MGA: variants seen among roughly 807,000 people sequenced by gnomAD.
MGA encodes MAX dimerization protein MGA.
Under a neutral mutation model 261.1 loss-of-function variants are expected in MGA, and 40 were observed. The observed-to-expected ratio is 0.15, with a 90% CI of 0.12 to 0.20. The LOEUF (loss-of-function observed/expected upper bound fraction) is 0.20, where lower values mean the gene tolerates loss of function less well. MGA is among the 10% of genes least tolerant of loss of function. The pLI, the probability that MGA is intolerant of heterozygous loss-of-function variation, is 1.00. For missense variants in MGA, 3,397 were observed against 3,630.5 expected, an observed-to-expected ratio of 0.94 and a Z score of 1.65; for synonymous variants, 1,302 against 1,290.6, an observed-to-expected ratio of 1.01 and a Z score of -0.19.
upstream of MGA, among the ~76,000 whole-genome samples, chr15:41,658,904 T>A (rs569670384): frequency 6.6e-6 from 1 of 152,088 alleles, no homozygotes; most frequent in Non-Finnish European, 1.5e-5. Context: ...CACCTTATGA[T>A]CATATATTTT....
At chr15:41,730,470 G>C (rs1404782125) in intron 11 of MGA, among the ~76,000 whole-genome samples, 1 of 151,886 alleles carries the variant, frequency 6.6e-6, no homozygotes, top group South Asian at 2.1e-4. Flanking sequence ...ATTAAGCAGT[G>C]GTTATCAAGA....
At chr15:41,739,982 C>T in intron 13 of MGA, 1 of 1,613,564 alleles carries the variant, frequency 6.2e-7, no homozygotes. Context: ...AATAGGCTAG[C>T]TGCTTATATC....
chr15:41,693,712 A>G (rs1018496552), intron 2 of MGA, among the ~76,000 whole-genome samples: 6 of 152,268 alleles, frequency 3.9e-5, no homozygotes, highest in African/African-American at 1.2e-4. Context: ...ATTGTTTAAG[A>G]TGAGGCTGAA....
At chr15:41,721,707 CA>C (rs1255049696) in intron 9 of MGA, among the ~76,000 whole-genome samples, 1 of 152,102 alleles carries the variant, frequency 6.6e-6, no homozygotes, top group Non-Finnish European at 1.5e-5. Context: ...CTACTAATAC[CA>C]ACTATTGATA....
Position 41,727,426 on chromosome 15 carries a change from T to C in MGA, c.3657+20T>C. 6.3e-7 allele frequency: 1 copy of C among 1,595,722 alleles called. No homozygotes were observed. Among genetic ancestry groups the C allele is most frequent in the Non-Finnish European group, 8.6e-7 (1 of 1,168,188 alleles). On this transcript the variant is annotated intron_variant, in intron 10 of 23. Transcript: ENST00000219905. ...CCTGTGGTAAGTCTGGAATTTAATC[T>C]TTTATTACAAGTTACCAAAGTCATG...
At position 41,662,193 on chromosome 15, in the gene MGA, A is replaced by G. The variant is rs75642910; in HGVS notation, c.-68+1668A>G. Among the ~76,000 whole-genome samples the G allele has an allele frequency of 7.8e-3, 1,185 of 152,150 alleles. 10 individuals carry two copies. The highest frequency in any genetic ancestry group is 0.027 in the African/African-American group (1,138 of 41,484). Reference sequence around the variant, plus strand: ...ACTTTACAGAAAACACAGGCTAAAGACTTGAGGAAATTCAGTGCCCTGGGT... The same window carrying G: ...ACTTTACAGAAAACACAGGCTAAAGGCTTGAGGAAATTCAGTGCCCTGGGT... On this transcript the variant is annotated intron_variant, in intron 1 of 23. Coordinates refer to ENST00000219905, the MANE Select transcript of MGA (RefSeq NM_001164273.2).
At chr15:41,647,462 A>G (rs574512108) in intron 1 of MGA, among the ~76,000 whole-genome samples, 2 of 152,260 alleles carry the variant, frequency 1.3e-5, no homozygotes, top group South Asian at 2.1e-4. Flanking sequence ...AGTTCCTGGA[A>G]TACATTTTTC....
intron 1 of MGA, among the ~76,000 whole-genome samples, chr15:41,662,925 A>T (rs946245308): frequency 2.2e-4 from 34 of 152,224 alleles, no homozygotes; most frequent in African/African-American, 8.0e-4. Flanking sequence ...GTTGCTTAGC[A>T]TTTGAATATT....
Position 41,723,960 on chromosome 15 carries a change from T to G in MGA, c.3431-3220T>G, listed in dbSNP as rs186171871. 5.1e-4 allele frequency among the ~76,000 whole-genome samples: 77 copies of G among 151,300 alleles called. 1 individual carries two copies. In the East Asian group the frequency reaches 0.013, roughly 25 times the overall value. On this transcript the variant is annotated intron_variant, in intron 9 of 23. Transcript: ENST00000219905. Reference sequence around the variant, plus strand: ...ATATGAATAATCATTCTTGGTATCTTAAGAGTTTTTTTTTTTTTTGAAGTA... The same window carrying G: ...ATATGAATAATCATTCTTGGTATCTGAAGAGTTTTTTTTTTTTTTGAAGTA...
intron 14 of MGA, among the ~76,000 whole-genome samples, chr15:41,741,346 CAAAAAAAAAA>C (rs11389766): frequency 1.2e-4 from 9 of 72,330 alleles, no homozygotes; most frequent in Admixed American, 2.0e-4. Context: ...ACTCCATCTC[CAAAAAAAAAA>C]AAAAAAAAAA....
chr15:41,743,491 G>A (rs1354347646), intron 15 of MGA, among the ~76,000 whole-genome samples: 3 of 152,168 alleles, frequency 2.0e-5, no homozygotes, highest in Non-Finnish European at 2.9e-5. Context: ...TGGAGATTGC[G>A]ACTCAAAATA....
chr15:41,678,692 G>T (rs1163391940), intron 2 of MGA, among the ~76,000 whole-genome samples: 2 of 151,350 alleles, frequency 1.3e-5, no homozygotes, highest in African/African-American at 4.9e-5. Flanking sequence ...GCTTGAACCC[G>T]GGAGGCGGAG....
Position 41,698,866 on chromosome 15 carries a change from G to A in MGA, c.2017G>A (p.Ala673Thr). The stretch of plus-strand genomic sequence containing the variant: ...TTTTTTTTTTTTTGATGTATAGGAA[G>A]CTCTAGACATTCATGCAGTTGATGG... Residue 673 changes from alanine (A) to threonine (T), a missense_variant, in exon 4 of 24, where the codon GCT (alanine) becomes ACT (threonine). Transcript: ENST00000219905. The A allele has an allele frequency of 6.5e-7, 1 of 1,537,412 alleles. No homozygotes were observed. The highest frequency in any genetic ancestry group is 8.8e-7 in the Non-Finnish European group (1 of 1,140,256).
At chr15:41,679,188 A>G (rs1462055593) in intron 2 of MGA, among the ~76,000 whole-genome samples, 1 of 151,916 alleles carries the variant, frequency 6.6e-6, no homozygotes, top group Admixed American at 6.6e-5. Flanking sequence ...GGTGCGCACC[A>G]CTGTGCCCGG....
At chr15:41,654,901 T>G (rs2057133171) in intron 1 of MGA, among the ~76,000 whole-genome samples, 1 of 152,258 alleles carries the variant, frequency 6.6e-6, no homozygotes, top group Non-Finnish European at 1.5e-5. Flanking sequence ...TTCTTGTAGA[T>G]GAATATATAA....
At chr15:41,741,281 A>G (rs1413967053) in intron 14 of MGA, among the ~76,000 whole-genome samples, 1 of 129,202 alleles carries the variant, frequency 7.7e-6, no homozygotes, top group African/African-American at 2.9e-5. Flanking sequence ...CGGGAGGCAG[A>G]GGTTGCAGTA....
chr15:41,761,600 C>G, intron 20 of MGA, 139 bp from the exon 21 acceptor site: 1 of 572,296 alleles, frequency 1.7e-6, no homozygotes, highest in East Asian at 3.1e-5. Flanking sequence ...TCTGAAACAT[C>G]AACAATTGTT....
chr15:41,629,344 C>T (rs868030065), intron 1 of MGA, among the ~76,000 whole-genome samples: 3 of 152,012 alleles, frequency 2.0e-5, no homozygotes, highest in Non-Finnish European at 4.4e-5. Context: ...AGATGGGAAA[C>T]AGGAAGGAGC....
chr15:41,754,657 C>T (rs2063042053), intron 18 of MGA, 90 bp downstream of exon 18: 1 of 1,347,782 alleles, frequency 7.4e-7, no homozygotes, highest in Non-Finnish European at 9.8e-7. Flanking sequence ...CTGGGTAACT[C>T]ATCTGGTTCC....
Sources: gnomAD v4.1 joint callset for allele counts (sites outside exome capture counted in the v4.1 genomes callset) on GRCh38, gnomAD v4.1.1 for gene constraint, MANE v1.5 for transcripts, NCBI Gene and HGNC (gene_info 2026-07-23, HGNC 2026-07-21) for gene names.